The following KCNIP4 variants were observed in gnomAD, a reference collection of about 807,000 sequenced individuals.
KCNIP4 encodes potassium voltage-gated channel interacting protein 4.
A neutral mutation model predicts 34.0 loss-of-function variants in KCNIP4; 12 were observed. The observed-to-expected ratio is 0.35, with a 90% CI of 0.23 to 0.57. The LOEUF is 0.57. Among genes scored for constraint, KCNIP4 ranks in the 20% least tolerant of loss-of-function variants. KCNIP4 has a pLI of 0.83. For missense variants in KCNIP4, 238 were observed against 311.7 expected, an observed-to-expected ratio of 0.76 and a Z score of 1.78; for synonymous variants, 124 against 102.2, an observed-to-expected ratio of 1.21 and a Z score of -1.29.
At chr4:21,358,332 A>G (rs1005278467) in intron 1 of KCNIP4, among the ~76,000 whole-genome samples, 2 of 152,094 alleles carry the variant, frequency 1.3e-5, no homozygotes, top group Non-Finnish European at 2.9e-5. Context: ...AATAAAAAAA[A>G]TCCTAAACAA....
intron 1 of KCNIP4, among the ~76,000 whole-genome samples, chr4:21,808,039 A>C (rs1721407630): frequency 6.6e-6 from 1 of 152,200 alleles, no homozygotes; most frequent in Non-Finnish European, 1.5e-5. Flanking sequence ...ACATATATGC[A>C]TACATTAAAT....
chr4:20,994,334 G>A (rs1737347858), intron 1 of KCNIP4, among the ~76,000 whole-genome samples: 1 of 152,146 alleles, frequency 6.6e-6, no homozygotes, highest in Non-Finnish European at 1.5e-5. Context: ...CACTTTATTA[G>A]GAACAAACTA....
chr4:21,154,663 A>G (rs764544386), intron 1 of KCNIP4, among the ~76,000 whole-genome samples: 6 of 152,236 alleles, frequency 3.9e-5, no homozygotes, highest in African/African-American at 7.2e-5. Flanking sequence ...TAAATATTCC[A>G]TATTTCCCAA....
Position 21,825,416 on chromosome 4 carries a change from G to T in KCNIP4, c.61+123155C>A, listed in dbSNP as rs555584171. Among the ~76,000 whole-genome samples the T allele has an allele frequency of 2.0e-5, 3 of 152,174 alleles. No individual in the cohort carries two copies. In the East Asian group the frequency reaches 5.8e-4, roughly 29 times the overall value. Reference sequence around the variant, plus strand: ...CACATCATTTTTATTCCCAACAAAGGTATTTGTAGACGATGATATACACTC... The same window carrying T: ...CACATCATTTTTATTCCCAACAAAGTTATTTGTAGACGATGATATACACTC... On this transcript the variant is annotated intron_variant, in intron 1 of 8. Transcript: ENST00000382152.
intron 3 of KCNIP4, among the ~76,000 whole-genome samples, chr4:20,791,076 T>C (rs1346883100): frequency 6.6e-6 from 1 of 152,148 alleles, no homozygotes; most frequent in African/African-American, 2.4e-5. Flanking sequence ...AAAAGACATG[T>C]TACATATACA....
intron 1 of KCNIP4, among the ~76,000 whole-genome samples, chr4:21,603,637 C>A (rs925216002): frequency 8.6e-5 from 13 of 151,854 alleles, no homozygotes; most frequent in Admixed American, 3.3e-4. Context: ...TTTGGAAAGG[C>A]AATTGCCTGA....
At chr4:20,888,457 G>A (rs1016174755) in intron 1 of KCNIP4, among the ~76,000 whole-genome samples, 9 of 151,972 alleles carry the variant, frequency 5.9e-5, no homozygotes, top group African/African-American at 2.2e-4. Context: ...TGTGTGAAGC[G>A]ATCCCTAAAT....
intron 1 of KCNIP4, among the ~76,000 whole-genome samples, chr4:21,868,339 T>C (rs1725554834): frequency 6.6e-6 from 1 of 152,216 alleles, no homozygotes; most frequent in African/African-American, 2.4e-5. Context: ...TTTATATGTG[T>C]ATATTGTACC....
chr4:21,734,123 G>A (rs1465327967), intron 1 of KCNIP4, among the ~76,000 whole-genome samples: 1 of 152,084 alleles, frequency 6.6e-6, no homozygotes, highest in East Asian at 1.9e-4. Context: ...ATTACCATGG[G>A]GAGGCTCATT....
At chr4:20,890,971 TGTCAG>T (rs1725858657) in intron 1 of KCNIP4, among the ~76,000 whole-genome samples, 1 of 152,218 alleles carries the variant, frequency 6.6e-6, no homozygotes, top group Non-Finnish European at 1.5e-5. Flanking sequence ...TGCCATCACA[TGTCAG>T]TGTCATGTGT....
chr4:20,760,832 C>A (rs972633455), intron 3 of KCNIP4, among the ~76,000 whole-genome samples: 20 of 152,038 alleles, frequency 1.3e-4, no homozygotes, highest in Non-Finnish European at 2.4e-4. Context: ...AAAAAACAAC[C>A]AAAAACAAAT....
intron 1 of KCNIP4, among the ~76,000 whole-genome samples, chr4:21,015,488 A>G (rs1401506499): frequency 1.4e-5 from 2 of 140,592 alleles, no homozygotes; most frequent in Non-Finnish European, 3.0e-5. Flanking sequence ...TATATTATAT[A>G]TAACACATTA....
chr4:20,815,951 T>C (rs1716317541), intron 3 of KCNIP4, among the ~76,000 whole-genome samples: 1 of 152,076 alleles, frequency 6.6e-6, no homozygotes, highest in Non-Finnish European at 1.5e-5. Context: ...TGAACACTCT[T>C]AGAAACCTTT....
intron 3 of KCNIP4, among the ~76,000 whole-genome samples, chr4:20,798,802 C>T (rs1713840849): frequency 6.6e-6 from 1 of 152,158 alleles, no homozygotes; most frequent in South Asian, 2.1e-4. Context: ...ACACCTGCAG[C>T]CTTTGTTATC....
intron 1 of KCNIP4, among the ~76,000 whole-genome samples, chr4:21,739,554 T>G (rs1313132552): frequency 6.6e-6 from 1 of 151,988 alleles, no homozygotes; most frequent in East Asian, 1.9e-4. Context: ...TATTGAAAAT[T>G]TTCTTACTAA....
chr4:21,223,558 G>A (rs912457704), intron 1 of KCNIP4, among the ~76,000 whole-genome samples: 1 of 152,190 alleles, frequency 6.6e-6, no homozygotes, highest in African/African-American at 2.4e-5. Context: ...AGAAGAAAGT[G>A]GCACCTGCCT....
chr4:21,280,812 G>A (rs974120245), intron 1 of KCNIP4, among the ~76,000 whole-genome samples: 1 of 152,126 alleles, frequency 6.6e-6, no homozygotes, highest in Non-Finnish European at 1.5e-5. Context: ...TGGGAACTAG[G>A]ACATGTGTTG....
chr4:20,842,581 CAAAAAAAAAAAAAAAA>C (rs59134256), intron 3 of KCNIP4, among the ~76,000 whole-genome samples: 2 of 69,688 alleles, frequency 2.9e-5, no homozygotes, highest in African/African-American at 1.2e-4. Flanking sequence ...CTTCTAATGG[CAAAAAAAAAAAAAAAA>C]AAAAAAAAAA....
chr4:20,992,361 C>T lies in KCNIP4; in HGVS notation c.62-109652G>A, dbSNP rs1317852879. ...GAGAACTCACTCATTATCATGAGAA[C>T]AGCATGGGGGAAACCACTTCTATGA... On this transcript the variant is annotated intron_variant, in intron 1 of 8. Transcript: ENST00000382152. 2.6e-5 allele frequency among the ~76,000 whole-genome samples: 4 copies of T among 152,102 alleles called. No homozygotes were observed. The South Asian group carries it at 8.3e-4, about 31-fold the overall frequency.
Sources: allele counts gnomAD v4.1 joint callset (sites outside exome capture counted in the v4.1 genomes callset), GRCh38; gene constraint gnomAD v4.1.1; transcripts MANE v1.5; gene names NCBI Gene and HGNC (gene_info 2026-07-23, HGNC 2026-07-21).